The following KLHL1 variants were observed in gnomAD, a reference collection of about 807,000 sequenced individuals.
KLHL1 encodes kelch-like protein 1.
Under a neutral mutation model 77.7 loss-of-function variants are expected in KLHL1, and 47 were observed. That is an observed-to-expected ratio of 0.60 (90% confidence interval 0.48 to 0.77). KLHL1 has a LOEUF of 0.77. Ranked by LOEUF, KLHL1 falls within the 30% of genes least tolerant of loss-of-function variation. KLHL1 has a pLI of 0.00. For missense variants in KLHL1, 925 were observed against 910.8 expected, an observed-to-expected ratio of 1.02 and a Z score of -0.20; for synonymous variants, 360 against 325.2, an observed-to-expected ratio of 1.11 and a Z score of -1.15.
At chr13:69,801,957 C>T (rs1236333835) in intron 6 of KLHL1, among the ~76,000 whole-genome samples, 1 of 152,112 alleles carries the variant, frequency 6.6e-6, no homozygotes, top group African/African-American at 2.4e-5. Context: ...TGGTTTGCTG[C>T]ACTTATCAAC....
rs10549532 is a variant in KLHL1, at chr13:69,996,910, A to ATT, written c.498-21110_498-21109dup. The stretch of plus-strand genomic sequence containing the variant: ...GAAAAGTTCTTATTTTATTCATTAA[A>ATT]TTTTTTTTTTTTTTTTTTTTTTTTT... On this transcript the variant is annotated intron_variant, in intron 1 of 10. Coordinates refer to ENST00000377844, the MANE Select transcript of KLHL1 (RefSeq NM_020866.3). Among the ~76,000 whole-genome samples, 219 of 71,228 alleles carry ATT rather than the reference A, an allele frequency of 3.1e-3. 10 individuals carry two copies. Among genetic ancestry groups the ATT allele is most frequent in the Middle Eastern group, 0.01 (1 of 98 alleles). 46.7% of individuals were successfully genotyped at this position (71,228 alleles called of 152,430 possible).
At chr13:70,005,249 C>A (rs550277877) in intron 1 of KLHL1, among the ~76,000 whole-genome samples, 1 of 151,866 alleles carries the variant, frequency 6.6e-6, no homozygotes, top group Admixed American at 6.6e-5. Context: ...TTAAGAAAAA[C>A]TTCCATGAGC....
At chr13:70,028,132 T>C (rs2137361900) in intron 1 of KLHL1, among the ~76,000 whole-genome samples, 1 of 152,278 alleles carries the variant, frequency 6.6e-6, no homozygotes, top group Non-Finnish European at 1.5e-5. Context: ...CAGAAAGTCC[T>C]GGATTTGGAG....
intron 4 of KLHL1, among the ~76,000 whole-genome samples, chr13:69,906,463 A>G (rs966087074): frequency 1.3e-5 from 2 of 152,002 alleles, no homozygotes; most frequent in African/African-American, 2.4e-5. Flanking sequence ...GAGCTAGAAC[A>G]TACAAATTAA....
intron 1 of KLHL1, among the ~76,000 whole-genome samples, chr13:70,066,313 A>T (rs1157341133): frequency 6.6e-6 from 1 of 152,196 alleles, no homozygotes; most frequent in East Asian, 1.9e-4. Flanking sequence ...CTTTTTTAAA[A>T]ATCAGTATGA....
chr13:69,778,204 A>G (rs1875933415), intron 7 of KLHL1, among the ~76,000 whole-genome samples: 1 of 152,096 alleles, frequency 6.6e-6, no homozygotes, highest in Non-Finnish European at 1.5e-5. Flanking sequence ...AGACTTTTAA[A>G]CCACAGAGGA....
At chr13:69,801,466 G>T (rs928060482) in intron 6 of KLHL1, among the ~76,000 whole-genome samples, 5 of 152,128 alleles carry the variant, frequency 3.3e-5, no homozygotes, top group Non-Finnish European at 5.9e-5. Context: ...CAAGACTGCT[G>T]CCATTACAAA....
chr13:70,098,477 T>G (rs1296527831), intron 1 of KLHL1, among the ~76,000 whole-genome samples: 2 of 151,820 alleles, frequency 1.3e-5, no homozygotes, highest in Non-Finnish European at 3.0e-5. Flanking sequence ...TCATTGAAAT[T>G]TACTACAATT....
At chr13:69,749,483 T>G (rs1179062836) in intron 7 of KLHL1, among the ~76,000 whole-genome samples, 1 of 152,014 alleles carries the variant, frequency 6.6e-6, no homozygotes, top group East Asian at 1.9e-4. Flanking sequence ...TGTAGCTTTT[T>G]GCATATACTC....
rs1232989657 is a variant in KLHL1, at chr13:70,054,456, A to G, written c.497+52747T>C. ...TTATTGCATTATAGTAGCCCAATGG[A>G]TATATACGTAACATTGATTTTATCC... On this transcript the variant is annotated intron_variant, in intron 1 of 10. Transcript: ENST00000377844. Among the ~76,000 whole-genome samples, 6 of 152,148 alleles carry G rather than the reference A, an allele frequency of 3.9e-5. No individual in the cohort carries two copies. In the East Asian group the frequency reaches 9.7e-4, roughly 25 times the overall value.
At chr13:69,821,441 A>G (rs538722708) in intron 6 of KLHL1, among the ~76,000 whole-genome samples, 8 of 152,158 alleles carry the variant, frequency 5.3e-5, no homozygotes, top group Non-Finnish European at 5.9e-5. Flanking sequence ...CAGCCTCCCA[A>G]GTAGCTGGGA....
intron 1 of KLHL1, among the ~76,000 whole-genome samples, chr13:70,002,493 T>C (rs2119634): frequency 0.018 from 2,724 of 151,468 alleles, 86 homozygotes; most frequent in African/African-American, 0.063. Context: ...AGTTTTGTCA[T>C]TGTAGTCCCA....
At chr13:70,080,740 A>G (rs1353611324) in intron 1 of KLHL1, among the ~76,000 whole-genome samples, 1 of 151,736 alleles carries the variant, frequency 6.6e-6, no homozygotes, top group Non-Finnish European at 1.5e-5. Context: ...GGGACTACAC[A>G]TGCGCACCAC....
At chr13:69,752,695 A>T (rs1778352678) in intron 7 of KLHL1, among the ~76,000 whole-genome samples, 1 of 152,174 alleles carries the variant, frequency 6.6e-6, no homozygotes, top group African/African-American at 2.4e-5. Context: ...GAGGCCACTG[A>T]CCTGGGGGTT....
intron 1 of KLHL1, among the ~76,000 whole-genome samples, chr13:70,068,357 A>C (rs1301150832): frequency 7.3e-6 from 1 of 137,692 alleles, no homozygotes; most frequent in African/African-American, 3.2e-5. Flanking sequence ...AAAAACAAAA[A>C]CAAAAACAAA....
rs189832948 is a variant in KLHL1, at chr13:69,943,021, T to G, written c.818-2785A>C. Reference sequence around the variant, plus strand: ...ATTTATGTTGGTGAAGAATCCATACTAGTTGTTCTGCAGAATTCCTCCTTT... The same window carrying G: ...ATTTATGTTGGTGAAGAATCCATACGAGTTGTTCTGCAGAATTCCTCCTTT... On this transcript the variant is annotated intron_variant, in intron 3 of 10. Transcript: ENST00000377844. 2.6e-5 allele frequency among the ~76,000 whole-genome samples: 4 copies of G among 152,254 alleles called. No homozygotes were observed. The East Asian group carries it at 7.7e-4, about 29-fold the overall frequency.
chr13:69,973,779 A>G, intron 2 of KLHL1, among the ~76,000 whole-genome samples: 1 of 152,038 alleles, frequency 6.6e-6, no homozygotes, highest in East Asian at 1.9e-4. Flanking sequence ...TAAAGTCCTA[A>G]GATGTACATT....
intron 7 of KLHL1, among the ~76,000 whole-genome samples, chr13:69,781,979 C>G (rs1208456307): frequency 6.6e-6 from 1 of 152,162 alleles, no homozygotes; most frequent in African/African-American, 2.4e-5. Context: ...ATTCAATACT[C>G]AATTGCAGCA....
chr13:70,024,378 G>A (rs1885878716), intron 1 of KLHL1, among the ~76,000 whole-genome samples: 1 of 151,360 alleles, frequency 6.6e-6, no homozygotes, highest in Non-Finnish European at 1.5e-5. Context: ...GTGAGAAAGG[G>A]GGAAGAGAGA....
Sources: gnomAD v4.1 joint callset for allele counts (sites outside exome capture counted in the v4.1 genomes callset) on GRCh38, gnomAD v4.1.1 for gene constraint, MANE v1.5 for transcripts, NCBI Gene and HGNC (gene_info 2026-07-23, HGNC 2026-07-21) for gene names.